Variants in KCTD21 observed in about 807,000 individuals in gnomAD.
The protein encoded by KCTD21 is potassium channel tetramerization domain containing 21, also known as BTB/POZ domain-containing protein KCTD21.
Under a neutral mutation model 13.2 loss-of-function variants are expected in KCTD21, and 9 were observed. That is an observed-to-expected ratio of 0.68 (90% CI 0.41 to 1.19). KCTD21 has a LOEUF of 1.19. KCTD21 is among the 50% of genes most tolerant of loss of function. KCTD21 has a pLI of 0.01. For missense variants in KCTD21, 303 were observed against 336.5 expected (o/e 0.90, Z 0.78); for synonymous variants, 142 against 137.4 (o/e 1.03, Z -0.23).
At chr11:78,182,435 A>G (rs533281968) in intron 1 of KCTD21, among the ~76,000 whole-genome samples, 1 of 152,220 alleles carries the variant, frequency 6.6e-6, no homozygotes, top group Non-Finnish European at 1.5e-5. Context: ...GAGTATTTGA[A>G]TAAGACATCT....
intron 1 of KCTD21, among the ~76,000 whole-genome samples, chr11:78,176,055 G>A: frequency 6.6e-6 from 1 of 152,174 alleles, no homozygotes; most frequent in East Asian, 1.9e-4. Context: ...TCCCTACAAA[G>A]GACATGAACT....
Position 78,172,016 on chromosome 11 carries a change from G to A in KCTD21, c.*1756C>T, listed in dbSNP as rs1453448129. 6.6e-6 allele frequency: 1 copy of A among 152,262 alleles called. No homozygotes were observed. The highest frequency in any genetic ancestry group is 1.5e-5 in the Non-Finnish European group (1 of 68,084). 9.4% of individuals were successfully genotyped at this position (152,262 alleles called of 1,614,324 possible). Reference sequence around the variant, plus strand: ...CAGTGTACAAGCTCCCTACTCACAGGGCCTATCTATGGGAAGCCCCTTTCT... The same window carrying A: ...CAGTGTACAAGCTCCCTACTCACAGAGCCTATCTATGGGAAGCCCCTTTCT... On this transcript the variant is annotated 3_prime_UTR_variant, in exon 2 of 2. Transcript: ENST00000340067.
rs1295070009 is a variant in KCTD21 at position 78,174,100 on chromosome 11, G to C, written c.455C>G (p.Ser152Cys). Residue 152 changes from serine to cysteine, a missense_variant, in exon 2 of 2, where the codon TCC becomes TGC. By Grantham distance (112) the Ser-to-Cys change is moderately radical. Coordinates refer to ENST00000340067, the MANE Select transcript of KCTD21 (RefSeq NM_001029859.3). ...GCCAAGGAGCTTGAGGAAGAGGCAG[G>C]AGGTGCTGAAGATGTTGGCGTTGAA... is the stretch of plus-strand genomic sequence containing the variant. ...EVFNANIFST[S>C]CLFLKLLGSK... The C allele has an allele frequency of 1.2e-6, 2 of 1,614,192 alleles. No individual in the cohort carries two copies. The highest frequency in any genetic ancestry group is 1.7e-6 in the Non-Finnish European group (2 of 1,180,050).
intron 1 of KCTD21, among the ~76,000 whole-genome samples, chr11:78,183,917 G>C (rs1192145394): frequency 6.6e-6 from 1 of 152,128 alleles, no homozygotes; most frequent in East Asian, 1.9e-4. Context: ...TTACAGGCGT[G>C]AGCCACCGCA....
At chr11:78,188,304 C>T in intron 1 of KCTD21, 1 of 984,906 alleles carries the variant, frequency 1.0e-6, no homozygotes, top group Admixed American at 6.2e-5. Flanking sequence ...CCCACAGTCC[C>T]GACCCTCATT....
At position 78,187,364 on chromosome 11, in the gene KCTD21, T is replaced by C. The variant is rs954496563; in HGVS notation, c.-30+1209A>G. 3 of 985,076 alleles carry C rather than the reference T, an allele frequency of 3.0e-6. No homozygotes were observed. The East Asian group carries it at 3.4e-4, about 112-fold the overall frequency. 61.0% of individuals were successfully genotyped at this position (985,076 alleles called of 1,614,324 possible). A position where few individuals can be genotyped will look rare whatever the true frequency, so the allele number is the denominator to read the frequency against. Reference sequence around the variant, plus strand: ...AAATCCGAAGGCTGCTCTATTACCATCACAACCCATAGGGAGGAGAGAAAA... The same window carrying C: ...AAATCCGAAGGCTGCTCTATTACCACCACAACCCATAGGGAGGAGAGAAAA... On this transcript the variant is annotated intron_variant, in intron 1 of 1. Coordinates refer to ENST00000340067, the MANE Select transcript of KCTD21 (RefSeq NM_001029859.3).
At chr11:78,182,405 T>G (rs925815149) in intron 1 of KCTD21, among the ~76,000 whole-genome samples, 2 of 151,878 alleles carry the variant, frequency 1.3e-5, no homozygotes, top group Non-Finnish European at 2.9e-5. Flanking sequence ...CTGGAAGCAC[T>G]GATGACTGAT....
At chr11:78,188,193 G>A (rs1862860731) in intron 1 of KCTD21, 1 of 984,744 alleles carries the variant, frequency 1.0e-6, no homozygotes, top group Non-Finnish European at 1.2e-6. Flanking sequence ...GGCTTGTTCC[G>A]CACCCACTCC....
chr11:78,179,322 CT>C (rs1193195163), intron 1 of KCTD21, among the ~76,000 whole-genome samples: 2 of 151,892 alleles, frequency 1.3e-5, no homozygotes, highest in African/African-American at 4.8e-5. Flanking sequence ...ACGTCTGCCC[CT>C]CTGCTACTTT....
At chr11:78,175,512 A>G (rs2136992395) in intron 1 of KCTD21, among the ~76,000 whole-genome samples, 1 of 152,246 alleles carries the variant, frequency 6.6e-6, no homozygotes, top group African/African-American at 2.4e-5. Flanking sequence ...CTTACTAGCC[A>G]AAGATCGGTT....
At chr11:78,187,993 T>G in intron 1 of KCTD21, 37 of 985,434 alleles carry the variant, frequency 3.8e-5, no homozygotes, top group Non-Finnish European at 4.5e-5. Context: ...ATGAGATCAC[T>G]GGTGTGCCGC....
At position 78,174,314 on chromosome 11, in the gene KCTD21, G is replaced by A. The variant is rs151106978; in HGVS notation, c.241C>T (p.Arg81Cys). 59 of 1,613,980 alleles carry A rather than the reference G, an allele frequency of 3.7e-5. 1 individual carries two copies. The highest frequency in any genetic ancestry group is 6.6e-5 in the South Asian group (6 of 91,092). ...PEDFQEMGLL[R>C]READFYQVQP... ...ACCTGGTAGAAGTCGGCCTCCCTGCGGAGCAGCCCCATCTCCTGGAAGTCC... is the reference window on the plus strand; with the variant it reads ...ACCTGGTAGAAGTCGGCCTCCCTGCAGAGCAGCCCCATCTCCTGGAAGTCC... Residue 81 changes from arginine (R) to cysteine (C), a missense_variant, in exon 2 of 2, where the codon CGC becomes TGC. Arg to Cys is a radical substitution (Grantham distance 180). Coordinates refer to ENST00000340067, the MANE Select transcript of KCTD21 (RefSeq NM_001029859.3).
rs566071202 is a variant in KCTD21 at position 78,183,490 on chromosome 11, C to T, written c.-30+5083G>A. 2.7e-4 allele frequency among the ~76,000 whole-genome samples: 40 copies of T among 150,892 alleles called. 2 individuals are homozygous for T. The highest frequency in any genetic ancestry group is 2.1e-4 in the South Asian group (1 of 4,750). The stretch of plus-strand genomic sequence containing the variant: ...AGTGGAGGTTGCAGTGAGCCAAGAT[C>T]GTGCCACTGCACACCAGCCAGGGCA... On this transcript the variant is annotated intron_variant, in intron 1 of 1. Transcript: ENST00000340067.
chr11:78,174,726 A>C, intron 1 of KCTD21, 143 bp from the exon 2 acceptor site: 1 of 612,160 alleles, frequency 1.6e-6, no homozygotes, highest in Non-Finnish European at 2.9e-6. Context: ...AATTGCTAAC[A>C]CTGTGCAAAG....
intron 1 of KCTD21, among the ~76,000 whole-genome samples, chr11:78,177,434 G>A (rs2136995549): frequency 6.6e-6 from 1 of 152,322 alleles, no homozygotes; most frequent in Middle Eastern, 3.4e-3. Context: ...TGCCGCTGGG[G>A]GCATGGCTGC....
At chr11:78,186,913 A>G (rs916615623) in intron 1 of KCTD21, 38 of 985,290 alleles carry the variant, frequency 3.9e-5, no homozygotes, top group African/African-American at 3.5e-5. Context: ...GCCCCTTTCT[A>G]TATCCACAGA....
chr11:78,186,402 A>AAAAAC (rs1862770894), intron 1 of KCTD21, among the ~76,000 whole-genome samples: 1 of 132,012 alleles, frequency 7.6e-6, no homozygotes, highest in Non-Finnish European at 1.7e-5. Context: ...AAAAAAAAAA[A>AAAAAC]AAAAAGAAAA....
Position 78,173,974 on chromosome 11 carries a change from C to T in KCTD21, c.581G>A (p.Gly194Asp), listed in dbSNP as rs772980684. ...LTLDWVANVEGLPEEEYTKQN... is the reference protein window; with the variant it reads ...LTLDWVANVEDLPEEEYTKQN... ...CTTGGTGTACTCCTCCTCTGGCAGGCCCTCCACATTGGCCACCCAGTCCAG... is the reference window on the plus strand; with the variant it reads ...CTTGGTGTACTCCTCCTCTGGCAGGTCCTCCACATTGGCCACCCAGTCCAG... The change falls in exon 2 of 2, where the codon GGC becomes GAC. Residue 194 changes from glycine to aspartate, a missense_variant. By Grantham distance (94) the Gly-to-Asp change is moderately conservative. Transcript: ENST00000340067. 1.9e-6 allele frequency: 3 copies of T among 1,613,886 alleles called. No homozygotes were observed. The highest frequency in any genetic ancestry group is 1.3e-5 in the African/African-American group (1 of 74,844).
intron 1 of KCTD21, among the ~76,000 whole-genome samples, chr11:78,186,371 CAAAAAAAAAAAAAAAAAAAAAA>C (rs57748403): frequency 2.6e-3 from 118 of 45,820 alleles, no homozygotes; most frequent in African/African-American, 9.3e-3. Context: ...GACCCTGTCT[CAAAAAAAAAAAAAAAAAAAAAA>C]AAAAAAAAAA....
Sources: allele counts gnomAD v4.1 joint callset (sites outside exome capture counted in the v4.1 genomes callset), GRCh38; gene constraint gnomAD v4.1.1; transcripts MANE v1.5; gene names NCBI Gene and HGNC (gene_info 2026-07-23, HGNC 2026-07-21).